Variants in DGKI observed in about 807,000 individuals in gnomAD.
The protein encoded by DGKI is DAG kinase iota.
A neutral mutation model predicts 147.5 loss-of-function variants in DGKI; 55 were observed. The ratio of observed to expected loss-of-function variants is 0.37; its 90% CI spans 0.30 to 0.47. The LOEUF (loss-of-function observed/expected upper bound fraction) is 0.47. Among genes scored for constraint, DGKI ranks in the 20% least tolerant of loss-of-function variants. The probability of loss-of-function intolerance (pLI) is 1.00; values close to 1 mark genes in which losing one functional copy is unlikely to be tolerated. For missense variants in DGKI, 1,007 were observed against 1,323.8 expected, an observed-to-expected ratio of 0.76 and a Z score of 3.71; for synonymous variants, 469 against 477.1, an observed-to-expected ratio of 0.98 and a Z score of 0.22.
At position 137,578,395 on chromosome 7, in the gene DGKI, A is replaced by G; in HGVS notation, c.1643-70T>C. 13 of 1,085,248 alleles carry G rather than the reference A, an allele frequency of 1.2e-5. No individual in the cohort carries two copies. In the South Asian group the frequency reaches 1.7e-4, roughly 14 times the overall value. 67.2% of individuals were successfully genotyped at this position (1,085,248 alleles called of 1,614,324 possible). ...GGTAGCGACTTAGATTAGCACTCCT[A>G]CTTCCTCCCCAGCTCCCTCCTATCC... On this transcript the variant is annotated intron_variant, in intron 15 of 32. Coordinates refer to ENST00000614521, the MANE Select transcript of DGKI (RefSeq NM_001321708.2).
intron 1 of DGKI, among the ~76,000 whole-genome samples, chr7:137,697,481 C>A (rs1056910091): frequency 6.6e-6 from 1 of 152,040 alleles, no homozygotes; most frequent in South Asian, 2.1e-4. Flanking sequence ...TGATAAAAGT[C>A]GGGAAAGAAA....
intron 1 of DGKI, among the ~76,000 whole-genome samples, chr7:137,822,133 G>C (rs913247789): frequency 3.3e-5 from 5 of 152,232 alleles, no homozygotes; most frequent in African/African-American, 1.2e-4. Flanking sequence ...AGGGCACAGA[G>C]CGGTGGCTGA....
At chr7:137,642,555 G>A (rs942089602) in intron 6 of DGKI, among the ~76,000 whole-genome samples, 1 of 152,046 alleles carries the variant, frequency 6.6e-6, no homozygotes, top group African/African-American at 2.4e-5. Context: ...TTTCTGCCTT[G>A]ACCCTGACTC....
chr7:137,846,339 A>AG lies in DGKI; in HGVS notation c.401+122dup. 1 of 539,350 alleles carries AG rather than the reference A, an allele frequency of 1.9e-6. No homozygotes were observed. The highest frequency in any genetic ancestry group is 3.1e-6 in the Non-Finnish European group (1 of 318,380). The allele number at this position is 539,350 out of a possible 1,614,324, so 33.4% of individuals were successfully genotyped here. A position where few individuals can be genotyped will look rare whatever the true frequency, so the allele number is the denominator to read the frequency against. On this transcript the variant is annotated intron_variant, in intron 1 of 32. Transcript: ENST00000614521. This position sits in a 1 kb window ranked among gnomAD's most constrained non-coding sequence, Gnocchi z 4.0. The stretch of plus-strand genomic sequence containing the variant: ...GACATCCCCGGGAGGAGAGGGGGAA[A>AG]GGGGGAAGGAGAGGCGTGGAAACAG...
chr7:137,395,400 C>T (rs989699778), intron 32 of DGKI, among the ~76,000 whole-genome samples, 198 bp downstream of exon 32: 1 of 152,208 alleles, frequency 6.6e-6, no homozygotes, highest in African/African-American at 2.4e-5. Context: ...CATAGGCAAG[C>T]ACACGCCCTC....
intron 2 of DGKI, among the ~76,000 whole-genome samples, chr7:137,683,366 G>GTGTTTGTTTGTT (rs3083597): frequency 3.5e-4 from 53 of 149,444 alleles, no homozygotes; most frequent in South Asian, 1.3e-3. Context: ...CTTTTTGTTT[G>GTGTTTGTTTGTT]TGTTTGTTTG....
chr7:137,614,349 G>A (rs1428951617), intron 8 of DGKI, among the ~76,000 whole-genome samples: 2 of 152,142 alleles, frequency 1.3e-5, no homozygotes, highest in Non-Finnish European at 2.9e-5. Flanking sequence ...TTTCCCAACT[G>A]TGGTCTTCTA....
intron 1 of DGKI, among the ~76,000 whole-genome samples, chr7:137,752,189 G>A (rs1377752491): frequency 6.6e-6 from 1 of 152,030 alleles, no homozygotes; most frequent in Non-Finnish European, 1.5e-5. Context: ...CAAAGAGGAA[G>A]AGGTGGTCAA....
At chr7:137,436,971 A>G (rs1365103981) in intron 28 of DGKI, among the ~76,000 whole-genome samples, 1 of 152,200 alleles carries the variant, frequency 6.6e-6, no homozygotes, top group African/African-American at 2.4e-5. Flanking sequence ...AATTAGAGCG[A>G]AGGAAAAGAT....
At chr7:137,800,887 T>C (rs1797183518) in intron 1 of DGKI, among the ~76,000 whole-genome samples, 1 of 152,178 alleles carries the variant, frequency 6.6e-6, no homozygotes, top group Non-Finnish European at 1.5e-5. Context: ...CCTCAATAAC[T>C]ATATACTCAG....
At chr7:137,485,077 C>T (rs1815506003) in intron 23 of DGKI, among the ~76,000 whole-genome samples, 1 of 151,998 alleles carries the variant, frequency 6.6e-6, no homozygotes, top group Non-Finnish European at 1.5e-5. Context: ...CCAAGAGACC[C>T]TTTCCTTGCT....
chr7:137,652,829 G>A (rs2129011108), intron 5 of DGKI, among the ~76,000 whole-genome samples: 1 of 152,166 alleles, frequency 6.6e-6, no homozygotes, highest in East Asian at 1.9e-4. Flanking sequence ...TTAAATGTTT[G>A]TGATTCTCAG....
At chr7:137,689,345 T>A (rs1007581490) in intron 2 of DGKI, among the ~76,000 whole-genome samples, 4 of 152,234 alleles carry the variant, frequency 2.6e-5, no homozygotes, top group South Asian at 2.1e-4. Context: ...TTTCAGACTA[T>A]AATCTTCAAG....
At position 137,791,586 on chromosome 7, in the gene DGKI, T is replaced by C. The variant is rs192958117; in HGVS notation, c.401+54876A>G. On this transcript the variant is annotated intron_variant, in intron 1 of 32. Transcript: ENST00000614521. Reference sequence around the variant, plus strand: ...ATAAGATCCTATAAGATTTCTTAAGTGTGAAACTCAGCTGCAGCTGTATAT... The same window carrying C: ...ATAAGATCCTATAAGATTTCTTAAGCGTGAAACTCAGCTGCAGCTGTATAT... Among the ~76,000 whole-genome samples the C allele has an allele frequency of 3.3e-5, 5 of 152,338 alleles. No homozygotes were observed. In the East Asian group the frequency reaches 7.7e-4, roughly 24 times the overall value.
intron 31 of DGKI, among the ~76,000 whole-genome samples, chr7:137,396,181 C>T (rs1319711551): frequency 6.6e-6 from 1 of 152,220 alleles, no homozygotes; most frequent in Non-Finnish European, 1.5e-5. Context: ...TCCTGAGAAC[C>T]CAAGTTCAAA....
intron 23 of DGKI, 93 bp downstream of exon 23, chr7:137,485,280 AG>A (rs1403721128): frequency 2.0e-5 from 18 of 914,152 alleles, no homozygotes; most frequent in Non-Finnish European, 3.1e-5. Flanking sequence ...TCCCTAGGGA[AG>A]ATGTGAACTC....
At chr7:137,688,654 T>C (rs1205128976) in intron 2 of DGKI, among the ~76,000 whole-genome samples, 1 of 152,248 alleles carries the variant, frequency 6.6e-6, no homozygotes. Context: ...TGATACATAA[T>C]ACACTCTCAT....
chr7:137,730,557 A>C (rs924176703), intron 1 of DGKI, among the ~76,000 whole-genome samples: 1 of 152,088 alleles, frequency 6.6e-6, no homozygotes, highest in African/African-American at 2.4e-5. Context: ...TCTCTGCTTT[A>C]AACTCCATCA....
intron 12 of DGKI, among the ~76,000 whole-genome samples, chr7:137,597,115 CT>C (rs1172522132): frequency 6.6e-6 from 1 of 152,104 alleles, no homozygotes; most frequent in Non-Finnish European, 1.5e-5. Context: ...CCAATTCCAC[CT>C]TTTTTTCATA....
Sources: allele counts gnomAD v4.1 joint callset (sites outside exome capture counted in the v4.1 genomes callset), GRCh38; gene constraint gnomAD v4.1.1; non-coding constraint Gnocchi (gnomAD v3.1); transcripts MANE v1.5; gene names NCBI Gene and HGNC (gene_info 2026-07-23, HGNC 2026-07-21).